GGT7: variants seen among roughly 807,000 people sequenced by gnomAD.
The protein encoded by GGT7 is glutathione hydrolase 7.
A neutral mutation model predicts 69.2 loss-of-function variants in GGT7; 30 were observed. The ratio of observed to expected loss-of-function variants is 0.43; its 90% CI spans 0.32 to 0.59. The LOEUF is 0.59. GGT7 is among the 20% of genes least tolerant of loss of function. GGT7 has a pLI of 0.05. For missense variants in GGT7, 733 were observed against 901.1 expected (o/e 0.81, Z 2.39); for synonymous variants, 388 against 391.8 (o/e 0.99, Z 0.12).
intron 6 of GGT7, 23 bp downstream of exon 6, chr20:34,859,946 C>T (rs1285222827): frequency 1.3e-6 from 2 of 1,489,502 alleles, no homozygotes; most frequent in Admixed American, 3.9e-5. Context: ...CATGTCTCTC[C>T]CAAATCCCCA....
intron 3 of GGT7, among the ~76,000 whole-genome samples, chr20:34,862,131 G>A (rs1291586968): frequency 6.6e-6 from 1 of 152,146 alleles, no homozygotes; most frequent in Non-Finnish European, 1.5e-5. Context: ...AAGGCAAGCA[G>A]GACAGAGAAG....
chr20:34,868,975 T>C (rs1311266154), intron 1 of GGT7, among the ~76,000 whole-genome samples: 2 of 152,178 alleles, frequency 1.3e-5, no homozygotes, highest in East Asian at 1.9e-4. Context: ...TTTTCAGTTA[T>C]GCTACCCAGT....
chr20:34,867,783 C>T (rs1002383411), intron 1 of GGT7, among the ~76,000 whole-genome samples: 2 of 152,180 alleles, frequency 1.3e-5, no homozygotes, highest in African/African-American at 4.8e-5. Flanking sequence ...TAGAAAGCCT[C>T]CTTCCCATTG....
intron 14 of GGT7, among the ~76,000 whole-genome samples, chr20:34,849,033 C>A (rs931247363): frequency 1.5e-4 from 23 of 152,172 alleles, no homozygotes; most frequent in African/African-American, 5.6e-4. Context: ...TAATTTCATC[C>A]TTGCTTACCT....
chr20:34,849,236 C>T (rs1005991428), intron 14 of GGT7, among the ~76,000 whole-genome samples: 10 of 151,094 alleles, frequency 6.6e-5, no homozygotes, highest in African/African-American at 2.4e-4. Context: ...GATCTTGGCT[C>T]ACTGTAACCT....
At chr20:34,868,852 AG>A (rs1313946339) in intron 1 of GGT7, among the ~76,000 whole-genome samples, 1 of 152,192 alleles carries the variant, frequency 6.6e-6, no homozygotes, top group African/African-American at 2.4e-5. Context: ...ATAAAATGGG[AG>A]GCCTTCTGCC....
intron 10 of GGT7, 102 bp from the exon 11 acceptor site, chr20:34,852,640 C>T (rs2079417952): frequency 3.6e-6 from 4 of 1,107,814 alleles, no homozygotes; most frequent in Middle Eastern, 3.1e-4. Flanking sequence ...TGAAATCTAC[C>T]TCCCTCACTG....
intron 6 of GGT7, 89 bp downstream of exon 6, chr20:34,859,880 G>T: frequency 1.0e-6 from 1 of 980,690 alleles, no homozygotes; most frequent in East Asian, 2.6e-5. Context: ...CTGGAAGAGA[G>T]GGCCTCTCTG....
At chr20:34,851,839 C>A (rs939540565) in intron 12 of GGT7, among the ~76,000 whole-genome samples, 1 of 152,214 alleles carries the variant, frequency 6.6e-6, no homozygotes, top group Non-Finnish European at 1.5e-5. Flanking sequence ...AGTCACAGAC[C>A]GCTAGTGCTG....
At chr20:34,866,964 A>G (rs2079700581) in intron 1 of GGT7, among the ~76,000 whole-genome samples, 1 of 152,210 alleles carries the variant, frequency 6.6e-6, no homozygotes, top group African/African-American at 2.4e-5. Flanking sequence ...CCTCAACATC[A>G]GCATCACAGA....
intron 4 of GGT7, among the ~76,000 whole-genome samples, chr20:34,860,922 C>T (rs534236495): frequency 2.6e-5 from 4 of 152,266 alleles, no homozygotes; most frequent in South Asian, 2.1e-4. Flanking sequence ...CCTTTTAAAA[C>T]GGTGGACAAA....
chr20:34,845,295 G>C lies in GGT7; in HGVS notation c.*33C>G, dbSNP rs76569361. The C allele has an allele frequency of 1.0e-4, 162 of 1,585,774 alleles. No homozygotes were observed. Among genetic ancestry groups the C allele is most frequent in the Non-Finnish European group, 1.1e-4 (133 of 1,163,454 alleles). On this transcript the variant is annotated 3_prime_UTR_variant, in exon 15 of 15. Transcript: ENST00000336431. Reference sequence around the variant, plus strand: ...GAGGGACTCTGGGAACATGCAAAGTGGGGGAGCAGAGACCCCGCCCCACCC... The same window carrying C: ...GAGGGACTCTGGGAACATGCAAAGTCGGGGAGCAGAGACCCCGCCCCACCC...
Position 34,845,388 on chromosome 20 carries a change from G to T in GGT7, c.1929C>A (p.Asn643Lys). The change falls in exon 15 of 15, where the codon AAC becomes AAA. Residue 643 changes from asparagine to lysine, a missense_variant. By Grantham distance (94) the Asn-to-Lys change is moderately conservative (BLOSUM62 0). Transcript: ENST00000336431. ...SWVHGSRRTN[N>K]FIIAVKDPRS... Reference sequence around the variant, plus strand: ...GAGGGTCCTTAACAGCGATGATGAAGTTGTTGGTCCTTCGGCTGCCATGGA... The same window carrying T: ...GAGGGTCCTTAACAGCGATGATGAATTTGTTGGTCCTTCGGCTGCCATGGA... 1 of 1,614,174 alleles carries T rather than the reference G, an allele frequency of 6.2e-7. No individual in the cohort carries two copies. The highest frequency in any genetic ancestry group is 8.5e-7 in the Non-Finnish European group (1 of 1,180,016).
chr20:34,864,628 T>C (rs11907458), intron 1 of GGT7, among the ~76,000 whole-genome samples: 150,269 of 151,534 alleles, frequency 0.99, 74,511 homozygotes, highest in South Asian at 1. Context: ...GGCTGAGGCA[T>C]GACAGTCACT....
intron 13 of GGT7, chr20:34,850,883 C>T (rs768042920): frequency 1.7e-6 from 1 of 592,398 alleles, no homozygotes; most frequent in Non-Finnish European, 3.2e-6. Flanking sequence ...CCTTTCAAAT[C>T]CCACCCTAAA....
chr20:34,869,161 T>G (rs1474174174), intron 1 of GGT7, among the ~76,000 whole-genome samples: 2 of 143,758 alleles, frequency 1.4e-5, no homozygotes, highest in African/African-American at 5.8e-5. Context: ...AATAAATAAA[T>G]AAATATATAT....
At chr20:34,859,255 C>T (rs547756170) in intron 7 of GGT7, among the ~76,000 whole-genome samples, 188 bp downstream of exon 7, 2 of 152,106 alleles carry the variant, frequency 1.3e-5, no homozygotes, top group East Asian at 1.9e-4. Context: ...GCCCCACCAA[C>T]CACTGATCTG....
chr20:34,853,862 G>C (rs1205593412), intron 10 of GGT7, among the ~76,000 whole-genome samples: 1 of 152,182 alleles, frequency 6.6e-6, no homozygotes, highest in Non-Finnish European at 1.5e-5. Context: ...TCTCACCAGA[G>C]CCCACAAGCT....
intron 8 of GGT7, among the ~76,000 whole-genome samples, chr20:34,856,514 G>C (rs1161407512): frequency 1.3e-5 from 2 of 152,164 alleles, no homozygotes; most frequent in African/African-American, 4.8e-5. Context: ...AAGGGCAGAG[G>C]CAACACAGAG....
Sources: allele counts gnomAD v4.1 joint callset (sites outside exome capture counted in the v4.1 genomes callset), GRCh38; gene constraint gnomAD v4.1.1; transcripts MANE v1.5; gene names NCBI Gene and HGNC (gene_info 2026-07-23, HGNC 2026-07-21).